Variants in ADD3 observed in about 807,000 individuals in gnomAD.
ADD3 encodes adducin 3.
ADD3 carries 25 observed loss-of-function variants against 80.2 expected under a neutral mutation model. That is an observed-to-expected ratio of 0.31 (90% CI 0.23 to 0.44). The LOEUF (loss-of-function observed/expected upper bound fraction) is 0.44, where lower values mean the gene tolerates loss of function less well. ADD3 is among the 20% of genes least tolerant of loss of function. The pLI is 1.00. For synonymous variants in ADD3, 284 were observed against 289.6 expected (o/e 0.98, Z 0.20); for missense variants, 829 against 847.5 (o/e 0.98, Z 0.27).
At chr10:110,014,793 C>G (rs2133005970) in intron 1 of ADD3, among the ~76,000 whole-genome samples, 1 of 152,086 alleles carries the variant, frequency 6.6e-6, no homozygotes, top group Non-Finnish European at 1.5e-5. Flanking sequence ...TCCCAAAGTG[C>G]TGGGATTACA....
chr10:110,116,688 C>T (rs1850772329), intron 4 of ADD3, among the ~76,000 whole-genome samples: 1 of 152,206 alleles, frequency 6.6e-6, no homozygotes, highest in Non-Finnish European at 1.5e-5. Flanking sequence ...AAAATTGTCC[C>T]TCTCCATGAT....
intron 1 of ADD3, among the ~76,000 whole-genome samples, chr10:110,082,117 A>G (rs1846127191): frequency 6.6e-6 from 1 of 152,188 alleles, no homozygotes; most frequent in African/African-American, 2.4e-5. Context: ...CCTATCAGGA[A>G]ATGCTGTTTT....
chr10:110,109,570 A>G (rs1849762067), intron 2 of ADD3, among the ~76,000 whole-genome samples: 1 of 152,188 alleles, frequency 6.6e-6, no homozygotes, highest in South Asian at 2.1e-4. Context: ...AGTGATACAC[A>G]TAGTAGGTAT....
At position 110,124,273 on chromosome 10, in the gene ADD3, C is replaced by T. The variant is rs1013218428; in HGVS notation, c.1400C>T (p.Thr467Met). 1.2e-5 allele frequency: 20 copies of T among 1,613,354 alleles called. No homozygotes were observed. The highest frequency in any genetic ancestry group is 2.2e-5 in the East Asian group (1 of 44,868). The change falls in exon 10 of 15, where the codon ACG becomes ATG. Residue 467 changes from threonine (T) to methionine (M), a missense_variant and splice_region_variant. By Grantham distance (81) the Thr-to-Met change is moderately conservative (BLOSUM62 -1). Coordinates refer to ENST00000356080, the MANE Select transcript of ADD3 (RefSeq NM_016824.5). ...NGETSPRTKI[T>M]WMKAEDSSKV... Reference sequence around the variant, plus strand: ...GAAACCAGTCCCCGAACCAAAATCACGGTATGCCAGTATTTTATGTAGTTT... The same window carrying T: ...GAAACCAGTCCCCGAACCAAAATCATGGTATGCCAGTATTTTATGTAGTTT...
At position 110,116,170 on chromosome 10, in the gene ADD3, C is replaced by T. The variant is rs1850704358; in HGVS notation, c.335-89C>T. ...GATTATTATATACAAGGCTGGGATA[C>T]TCCCAGACGCAGGCTACTTCCTGGC... On this transcript the variant is annotated intron_variant, in intron 3 of 14. Transcript: ENST00000356080. The T allele has an allele frequency of 3.1e-6, 4 of 1,272,006 alleles. No individual in the cohort carries two copies. The African/African-American group carries it at 4.4e-5, about 14-fold the overall frequency. The allele number at this position is 1,272,006 out of a possible 1,614,324, so 78.8% of individuals were successfully genotyped here.
chr10:110,019,086 T>G (rs543826860), intron 1 of ADD3, among the ~76,000 whole-genome samples: 40 of 152,346 alleles, frequency 2.6e-4, no homozygotes, highest in African/African-American at 9.1e-4. Context: ...CATCATTTAC[T>G]TTGTTTGCCT....
chr10:110,109,818 A>C (rs1461719473), intron 2 of ADD3, among the ~76,000 whole-genome samples: 1 of 152,142 alleles, frequency 6.6e-6, no homozygotes, highest in Non-Finnish European at 1.5e-5. Context: ...ACTTGTCTGT[A>C]TGAAGGTGTC....
At chr10:110,040,617 A>G (rs1856194992) in intron 1 of ADD3, among the ~76,000 whole-genome samples, 1 of 152,176 alleles carries the variant, frequency 6.6e-6, no homozygotes, top group African/African-American at 2.4e-5. Flanking sequence ...TAGGGAGCCA[A>G]AGAAGGATTT....
intron 1 of ADD3, among the ~76,000 whole-genome samples, chr10:110,040,225 G>GT (rs1856137055): frequency 6.6e-6 from 1 of 151,608 alleles, no homozygotes; most frequent in African/African-American, 2.4e-5. Context: ...ATAAAGATAT[G>GT]TTAGACATTG....
chr10:110,002,277 G>T (rs1428919495), upstream of ADD3, among the ~76,000 whole-genome samples: 1 of 152,004 alleles, frequency 6.6e-6, no homozygotes, highest in Admixed American at 6.5e-5. Context: ...AGAAACTAGT[G>T]AGTCTTTTTT....
chr10:110,082,506 T>C (rs1004020570), intron 1 of ADD3, among the ~76,000 whole-genome samples: 64 of 152,210 alleles, frequency 4.2e-4, no homozygotes, highest in African/African-American at 1.5e-3. Flanking sequence ...TTAAACTGTC[T>C]TACGAGATAG....
rs534738890 is a variant in ADD3, at chr10:110,034,410, A to T, written c.-30+26111A>T. The stretch of plus-strand genomic sequence containing the variant: ...AAAATTACATTTTTTGATAAACAAG[A>T]TAATTTCTTTAGCAAGTATTTTATA... On this transcript the variant is annotated intron_variant, in intron 1 of 14. Transcript: ENST00000356080. Among the ~76,000 whole-genome samples, 38 of 151,900 alleles carry T rather than the reference A, an allele frequency of 2.5e-4. 1 individual carries two copies. Among genetic ancestry groups the T allele is most frequent in the African/African-American group, 9.1e-4 (38 of 41,534 alleles).
intron 1 of ADD3, among the ~76,000 whole-genome samples, chr10:110,035,694 C>T (rs1394884103): frequency 1.3e-5 from 2 of 152,210 alleles, no homozygotes; most frequent in East Asian, 1.9e-4. Context: ...TGCTAGGCCA[C>T]ACCCCATACT....
chr10:110,092,488 A>G (rs913517135), intron 1 of ADD3, among the ~76,000 whole-genome samples: 2 of 151,944 alleles, frequency 1.3e-5, no homozygotes, highest in Non-Finnish European at 2.9e-5. Context: ...CAAATACTGC[A>G]TGTTCTCACC....
chr10:110,129,195 G>C (rs1257635562), intron 12 of ADD3, among the ~76,000 whole-genome samples: 1 of 149,912 alleles, frequency 6.7e-6, no homozygotes, highest in Non-Finnish European at 1.5e-5. Flanking sequence ...TGTTGCCCAG[G>C]CTGGAGCGCA....
chr10:110,002,879 T>C (rs983072605), upstream of ADD3, among the ~76,000 whole-genome samples: 2 of 152,194 alleles, frequency 1.3e-5, no homozygotes, highest in African/African-American at 2.4e-5. Flanking sequence ...ATAGGTCACA[T>C]AGTACTAATA....
intron 1 of ADD3, among the ~76,000 whole-genome samples, chr10:110,026,743 A>G (rs901357348): frequency 1.3e-5 from 2 of 151,910 alleles, no homozygotes; most frequent in African/African-American, 4.8e-5. Context: ...TTTTTATAAA[A>G]ACTATGTAAT....
intron 1 of ADD3, among the ~76,000 whole-genome samples, chr10:110,097,585 A>G (rs1848317305): frequency 6.6e-6 from 1 of 152,176 alleles, no homozygotes; most frequent in Non-Finnish European, 1.5e-5. Context: ...GTTTCAGGAA[A>G]TTAACATTGA....
intron 1 of ADD3, among the ~76,000 whole-genome samples, chr10:110,022,634 A>T (rs1382899847): frequency 2.0e-5 from 3 of 152,238 alleles, no homozygotes; most frequent in Non-Finnish European, 2.9e-5. Context: ...AAGGAAGCAT[A>T]TGTGAACCAG....
Sources: gnomAD v4.1 joint callset for allele counts (sites outside exome capture counted in the v4.1 genomes callset) on GRCh38, gnomAD v4.1.1 for gene constraint, MANE v1.5 for transcripts, NCBI Gene and HGNC (gene_info 2026-07-23, HGNC 2026-07-21) for gene names.